HDAC9: variants seen among roughly 807,000 people sequenced by gnomAD.
HDAC9 encodes the protein histone deacetylase 9, also known as MEF-2 interacting transcription repressor (MITR) protein.
Under a neutral mutation model 139.4 loss-of-function variants are expected in HDAC9, and 41 were observed. The ratio of observed to expected loss-of-function variants is 0.29; its 90% CI spans 0.23 to 0.38. The LOEUF (loss-of-function observed/expected upper bound fraction) is 0.38. HDAC9 is among the 10% of genes least tolerant of loss of function. The pLI is 1.00. For missense variants in HDAC9, 1,147 were observed against 1,297.0 expected, an observed-to-expected ratio of 0.88 and a Z score of 1.78; for synonymous variants, 517 against 476.2, an observed-to-expected ratio of 1.09 and a Z score of -1.12.
chr7:18,668,387 C>T, intron 12 of HDAC9: 1 of 928,196 alleles, frequency 1.1e-6, no homozygotes, highest in Non-Finnish European at 1.3e-6. Context: ...TTTTCCATCT[C>T]ATAAATATTC....
chr7:18,907,958 T>G (rs1309219243), intron 22 of HDAC9, among the ~76,000 whole-genome samples: 1 of 152,140 alleles, frequency 6.6e-6, no homozygotes, highest in Non-Finnish European at 1.5e-5. Context: ...ATTTAGCCAT[T>G]TTTACAGTGA....
chr7:18,870,971 T>G (rs1798873804), intron 21 of HDAC9, among the ~76,000 whole-genome samples: 1 of 152,154 alleles, frequency 6.6e-6, no homozygotes, highest in Non-Finnish European at 1.5e-5. Context: ...CTCCACTAAT[T>G]TTGGTATCCA....
At chr7:18,883,017 T>G (rs1799845130) in intron 22 of HDAC9, among the ~76,000 whole-genome samples, 1 of 152,176 alleles carries the variant, frequency 6.6e-6, no homozygotes, top group African/African-American at 2.4e-5. Context: ...TATTCCTACT[T>G]TATAATAAAT....
intron 14 of HDAC9, among the ~76,000 whole-genome samples, chr7:18,754,366 C>CA (rs371512838): frequency 1.3e-5 from 2 of 151,578 alleles, no homozygotes; most frequent in East Asian, 1.9e-4. Flanking sequence ...CTTCTGTGGT[C>CA]AAAAAAAATT....
chr7:18,534,730 C>T (rs1244340156), intron 2 of HDAC9, among the ~76,000 whole-genome samples: 1 of 152,134 alleles, frequency 6.6e-6, no homozygotes, highest in Non-Finnish European at 1.5e-5. Flanking sequence ...GAACTGCACT[C>T]GATCCACCAC....
At chr7:18,868,659 A>G (rs1798675324) in intron 21 of HDAC9, among the ~76,000 whole-genome samples, 1 of 152,032 alleles carries the variant, frequency 6.6e-6, no homozygotes, top group South Asian at 2.1e-4. Flanking sequence ...GGTTGGTGCA[A>G]AAGTAATTGT....
intron 2 of HDAC9, among the ~76,000 whole-genome samples, chr7:18,583,256 A>G (rs1738769267): frequency 6.6e-6 from 1 of 152,212 alleles, no homozygotes; most frequent in South Asian, 2.1e-4. Context: ...ATTAGTACTT[A>G]CTGTTACTAT....
chr7:18,443,101 A>T (rs1791941566), intron 1 of HDAC9, among the ~76,000 whole-genome samples: 1 of 152,224 alleles, frequency 6.6e-6, no homozygotes, highest in African/African-American at 2.4e-5. Context: ...ATCCACTTCC[A>T]CTGAATTGAA....
chr7:18,381,030 T>C (rs1383679750), intron 1 of HDAC9, among the ~76,000 whole-genome samples: 1 of 151,544 alleles, frequency 6.6e-6, no homozygotes, highest in Non-Finnish European at 1.5e-5. Context: ...AAACCCCATG[T>C]TTACTAAAAT....
rs370263216 is a variant in HDAC9, at chr7:18,496,287, C to A, written c.-16C>A. The A allele has an allele frequency of 3.7e-6, 6 of 1,613,030 alleles. No individual in the cohort carries two copies. The highest frequency in any genetic ancestry group is 5.1e-6 in the Non-Finnish European group (6 of 1,179,414). ...ATGGGGTGGCTGGACGAGAGCAGCTCTTGGCTCAGCAAAGAATGCACAGTA... is the reference window on the plus strand; with the variant it reads ...ATGGGGTGGCTGGACGAGAGCAGCTATTGGCTCAGCAAAGAATGCACAGTA... On this transcript the variant is annotated 5_prime_UTR_variant, in exon 2 of 26. Coordinates refer to ENST00000686413, the MANE Select transcript of HDAC9 (RefSeq NM_178425.4).
chr7:18,689,619 A>T (rs564661134), intron 12 of HDAC9, among the ~76,000 whole-genome samples: 30 of 151,996 alleles, frequency 2.0e-4, no homozygotes, highest in Non-Finnish European at 3.8e-4. Context: ...TTTTACAGCA[A>T]TGTTGTTTCT....
At chr7:18,165,792 C>T (rs1433108109) in intron 2 of HDAC9, among the ~76,000 whole-genome samples, 2 of 145,944 alleles carry the variant, frequency 1.4e-5, no homozygotes, top group Non-Finnish European at 3.0e-5. Context: ...GAGCAAGACC[C>T]TGTCTCAAAA....
chr7:18,216,475 T>C (rs998299480), intron 2 of HDAC9, among the ~76,000 whole-genome samples: 2 of 152,164 alleles, frequency 1.3e-5, no homozygotes, highest in Non-Finnish European at 2.9e-5. Context: ...ACAACTCTGC[T>C]AAATGTTTAA....
At chr7:18,201,450 C>T (rs1791117681) in intron 2 of HDAC9, among the ~76,000 whole-genome samples, 1 of 152,192 alleles carries the variant, frequency 6.6e-6, no homozygotes, top group South Asian at 2.1e-4. Context: ...AAGCCAGCTT[C>T]TTATGCCTTT....
intron 14 of HDAC9, among the ~76,000 whole-genome samples, chr7:18,749,359 G>A (rs1329620009): frequency 4.6e-5 from 7 of 152,208 alleles, no homozygotes; most frequent in Non-Finnish European, 7.3e-5. Flanking sequence ...GCTGCCTGAT[G>A]TGTGTGTTCC....
intron 2 of HDAC9, among the ~76,000 whole-genome samples, chr7:18,505,172 G>A (rs1799420911): frequency 6.6e-6 from 1 of 152,200 alleles, no homozygotes. Context: ...GACAGAAGCA[G>A]CATTCCTGAT....
chr7:18,262,354 A>G lies in HDAC9; in HGVS notation c.25+100005A>G, dbSNP rs907159613. Among the ~76,000 whole-genome samples, 9 of 152,332 alleles carry G rather than the reference A, an allele frequency of 5.9e-5. No individual in the cohort carries two copies. The South Asian group carries it at 6.2e-4, about 11-fold the overall frequency. ...CATGACATATTCAAAGTGATGAAGG[A>G]AAGGCTATCAAGCAAAAGTTCTATC... On this transcript the variant is annotated intron_variant, in intron 2 of 12. Transcript: ENST00000417496.
At chr7:18,881,006 T>C (rs757383650) in intron 22 of HDAC9, among the ~76,000 whole-genome samples, 9 of 151,958 alleles carry the variant, frequency 5.9e-5, no homozygotes, top group Non-Finnish European at 1.2e-4. Context: ...CCTGTATAAA[T>C]GAATTTAGAC....
intron 2 of HDAC9, among the ~76,000 whole-genome samples, chr7:18,537,507 T>A (rs1811284379): frequency 6.6e-6 from 1 of 151,728 alleles, no homozygotes; most frequent in Non-Finnish European, 1.5e-5. Flanking sequence ...ATAAAATAAA[T>A]AGGGATCAAA....
Sources: allele counts gnomAD v4.1 joint callset (sites outside exome capture counted in the v4.1 genomes callset), GRCh38; gene constraint gnomAD v4.1.1; transcripts MANE v1.5; gene names NCBI Gene and HGNC (gene_info 2026-07-23, HGNC 2026-07-21).